The following PTPRN2 variants were observed in gnomAD, a reference collection of about 807,000 sequenced individuals.
The protein encoded by PTPRN2 is protein tyrosine phosphatase receptor type N2, also known as receptor-type tyrosine-protein phosphatase N2.
PTPRN2 carries 74 observed loss-of-function variants against 118.8 expected under a neutral mutation model. The observed-to-expected ratio is 0.62, with a 90% CI of 0.52 to 0.76. PTPRN2 has a LOEUF of 0.76. PTPRN2 is among the 30% of genes least tolerant of loss of function. PTPRN2 has a pLI of 0.00. For synonymous variants in PTPRN2, 641 were observed against 608.0 expected (o/e 1.05, Z -0.80); for missense variants, 1,481 against 1,394.4 (o/e 1.06, Z -0.99).
chr7:157,821,141 G>A (rs994262611), intron 12 of PTPRN2, among the ~76,000 whole-genome samples: 8 of 152,238 alleles, frequency 5.3e-5, no homozygotes, highest in Admixed American at 1.3e-4. Flanking sequence ...AATGCCACTC[G>A]GGTGTACTTT....
At chr7:157,827,765 G>A (rs1807283711) in intron 12 of PTPRN2, among the ~76,000 whole-genome samples, 1 of 152,250 alleles carries the variant, frequency 6.6e-6, no homozygotes, top group South Asian at 2.1e-4. Flanking sequence ...TGCCGGGGTG[G>A]ATGTGGCCCC....
rs973641994 is a variant in PTPRN2, at chr7:157,986,111, C to G, written c.1724-87374G>C. Among the ~76,000 whole-genome samples, 7 of 152,204 alleles carry G rather than the reference C, an allele frequency of 4.6e-5. No homozygotes were observed. The highest frequency in any genetic ancestry group is 1.7e-4 in the African/African-American group (7 of 41,454). ...AGGAGGGAGGGGTTCTGACCATCTTCTCTGGTGCTCAGTGAGGCAATAGCA... is the reference window on the plus strand; with the variant it reads ...AGGAGGGAGGGGTTCTGACCATCTTGTCTGGTGCTCAGTGAGGCAATAGCA... On this transcript the variant is annotated intron_variant, in intron 11 of 22. Coordinates refer to ENST00000389418, the MANE Select transcript of PTPRN2 (RefSeq NM_002847.5). This position sits in a 1 kb window ranked among gnomAD's most constrained non-coding sequence, Gnocchi z 4.5.
chr7:157,904,200 G>A (rs1365979722), intron 11 of PTPRN2, among the ~76,000 whole-genome samples: 2 of 152,158 alleles, frequency 1.3e-5, no homozygotes, highest in Admixed American at 6.5e-5. Flanking sequence ...CAGTGGAATT[G>A]CTGTGTGCCC....
chr7:158,528,663 G>A (rs951495576), intron 1 of PTPRN2, among the ~76,000 whole-genome samples: 15 of 151,896 alleles, frequency 9.9e-5, no homozygotes, highest in East Asian at 5.8e-4. Flanking sequence ...GTGTGGTGGC[G>A]GGTGCCTGTA....
At chr7:157,700,627 C>A (rs1453861279) in intron 12 of PTPRN2, among the ~76,000 whole-genome samples, 1 of 152,202 alleles carries the variant, frequency 6.6e-6, no homozygotes, top group Non-Finnish European at 1.5e-5. Flanking sequence ...CCACCCTCAG[C>A]CTCGGCCATC....
At chr7:157,820,661 C>T (rs1806780969) in intron 12 of PTPRN2, among the ~76,000 whole-genome samples, 1 of 152,228 alleles carries the variant, frequency 6.6e-6, no homozygotes, top group Non-Finnish European at 1.5e-5. Flanking sequence ...TGCACACACA[C>T]ATACACACAC....
intron 13 of PTPRN2, among the ~76,000 whole-genome samples, chr7:157,666,506 A>C (rs1184996228): frequency 7.8e-6 from 1 of 127,852 alleles, no homozygotes; most frequent in Non-Finnish European, 1.9e-5. Context: ...TGTGTTAGAA[A>C]AAAAAAAAAC....
At chr7:158,217,939 A>G (rs1213553877) in intron 3 of PTPRN2, among the ~76,000 whole-genome samples, 1 of 152,174 alleles carries the variant, frequency 6.6e-6, no homozygotes, top group Non-Finnish European at 1.5e-5. Context: ...AAAGTATGGG[A>G]TTATGTAAAG....
intron 11 of PTPRN2, among the ~76,000 whole-genome samples, chr7:157,989,930 C>T (rs1804114734): frequency 6.6e-6 from 1 of 152,066 alleles, no homozygotes; most frequent in African/African-American, 2.4e-5. Context: ...CTGCCTTCTC[C>T]CCCTCCTCCT....
intron 2 of PTPRN2, among the ~76,000 whole-genome samples, chr7:158,332,263 CCA>C (rs1414045691): frequency 6.1e-5 from 9 of 146,370 alleles, no homozygotes; most frequent in Admixed American, 1.3e-4. Flanking sequence ...TCACTGACAC[CCA>C]CACTCTCACG....
At chr7:158,254,721 G>A (rs1005023647) in intron 3 of PTPRN2, among the ~76,000 whole-genome samples, 2 of 152,214 alleles carry the variant, frequency 1.3e-5, no homozygotes, top group Non-Finnish European at 1.5e-5. Context: ...GCTGCACACA[G>A]CAGTAAAAAT....
At chr7:158,456,722 G>A (rs1818537752) in intron 2 of PTPRN2, among the ~76,000 whole-genome samples, 2 of 152,242 alleles carry the variant, frequency 1.3e-5, no homozygotes, top group South Asian at 4.1e-4. Context: ...GTCAGTTAGA[G>A]AAAATCTACT....
At chr7:157,635,111 C>T (rs1804230468) in intron 14 of PTPRN2, among the ~76,000 whole-genome samples, 1 of 152,220 alleles carries the variant, frequency 6.6e-6, no homozygotes, top group Non-Finnish European at 1.5e-5. Context: ...TGAGTCAGTG[C>T]CATTGGTTCA....
chr7:157,854,260 C>A (rs1038928020), intron 12 of PTPRN2, among the ~76,000 whole-genome samples: 1 of 152,238 alleles, frequency 6.6e-6, no homozygotes, highest in Non-Finnish European at 1.5e-5. Context: ...GACATGAAGG[C>A]AAGGGCTGGG....
At chr7:158,536,548 A>C (rs1289943438) in intron 1 of PTPRN2, among the ~76,000 whole-genome samples, 1 of 130,002 alleles carries the variant, frequency 7.7e-6, no homozygotes, top group Admixed American at 7.7e-5. Flanking sequence ...AGACACAAGG[A>C]CCCTCCCAGC....
intron 4 of PTPRN2, among the ~76,000 whole-genome samples, chr7:158,201,973 A>C (rs942813999): frequency 2.0e-5 from 3 of 152,240 alleles, no homozygotes; most frequent in African/African-American, 7.2e-5. Context: ...TATTTGGCTC[A>C]GAATACATCT....
rs781690597 is a variant in PTPRN2, at chr7:157,987,935, G to A, written c.1724-89198C>T. 7.3e-5 allele frequency among the ~76,000 whole-genome samples: 11 copies of A among 151,026 alleles called. No individual in the cohort carries two copies. The highest frequency in any genetic ancestry group is 1.2e-4 in the Non-Finnish European group (8 of 67,742). ...AGCAGGGATCCAGAGAAGGGTCTCC[G>A]GACATCACTGATGCCCCCAGCTCTC... is the stretch of plus-strand genomic sequence containing the variant. On this transcript the variant is annotated intron_variant, in intron 11 of 22. Transcript: ENST00000389418. This position sits in a 1 kb window ranked among gnomAD's most constrained non-coding sequence, Gnocchi z 4.3.
chr7:158,573,894 A>C (rs4259367), intron 1 of PTPRN2, among the ~76,000 whole-genome samples: 1 of 152,036 alleles, frequency 6.6e-6, no homozygotes, highest in African/African-American at 2.4e-5. Context: ...TGCAATTTCC[A>C]TGGGCCTGTG....
intron 2 of PTPRN2, among the ~76,000 whole-genome samples, chr7:158,461,999 G>C (rs528325388): frequency 6.6e-6 from 1 of 152,302 alleles, no homozygotes; most frequent in African/African-American, 2.4e-5. Flanking sequence ...AACGCCTCCC[G>C]TCCTTGGATA....
Sources: allele counts gnomAD v4.1 joint callset (sites outside exome capture counted in the v4.1 genomes callset), GRCh38; gene constraint gnomAD v4.1.1; non-coding constraint Gnocchi (gnomAD v3.1); transcripts MANE v1.5; gene names NCBI Gene and HGNC (gene_info 2026-07-23, HGNC 2026-07-21).